The following ASB16 variants were observed in gnomAD, a reference collection of about 807,000 sequenced individuals.
The protein encoded by ASB16 is ankyrin repeat and SOCS box containing 16.
ASB16 carries 44 observed loss-of-function variants against 39.1 expected under a neutral mutation model. The ratio of observed to expected loss-of-function variants is 1.13; its 90% CI spans 0.88 to 1.45. ASB16 has a LOEUF of 1.45. ASB16 is among the 40% of genes most tolerant of loss of function. The pLI, the probability that ASB16 is intolerant of heterozygous loss-of-function variation, is 0.00. For missense variants in ASB16, 698 were observed against 634.5 expected (o/e 1.10, Z -1.07); for synonymous variants, 305 against 286.7 (o/e 1.06, Z -0.64).
At chr17:44,176,357 C>CAAAAAAA in intron 2 of ASB16, 1 of 191,154 alleles carries the variant, frequency 5.2e-6, no homozygotes. Context: ...ACCCTGTCTC[C>CAAAAAAA]AAAAAAAAAA....
chr17:44,177,251 A>G, intron 3 of ASB16, 21 bp downstream of exon 3: 2 of 1,521,768 alleles, frequency 1.3e-6, no homozygotes, highest in Non-Finnish European at 8.8e-7. Flanking sequence ...AGGCCCTGAC[A>G]TAGGAGGCTC....
At chr17:44,171,576 A>AAAAAAAAAAAG (rs1284311476) in intron 1 of ASB16, among the ~76,000 whole-genome samples, 4 of 151,080 alleles carry the variant, frequency 2.6e-5, no homozygotes, top group African/African-American at 9.7e-5. Context: ...AAAAAAAAAA[A>AAAAAAAAAAAG]AGAGACAAGG....
intron 1 of ASB16, among the ~76,000 whole-genome samples, chr17:44,171,823 T>C (rs76374856): frequency 0.011 from 1,701 of 152,164 alleles, 29 homozygotes; most frequent in African/African-American, 0.039. Context: ...ACATACTATG[T>C]TTTGTTACAG....
At chr17:44,172,905 C>A (rs1281675970) in intron 2 of ASB16, among the ~76,000 whole-genome samples, 6 of 150,584 alleles carry the variant, frequency 4.0e-5, no homozygotes, top group Non-Finnish European at 5.9e-5. Flanking sequence ...GCGTGAGCCA[C>A]CATGCCCAGC....
At chr17:44,175,101 CAAAAAAA>C in intron 2 of ASB16, among the ~76,000 whole-genome samples, 1 of 95,994 alleles carries the variant, frequency 1.0e-5, no homozygotes, top group East Asian at 2.7e-4. Context: ...GACTCTGCCT[CAAAAAAA>C]AAAAAAAAAG....
intron 2 of ASB16, among the ~76,000 whole-genome samples, chr17:44,173,726 A>ACT (rs1312896572): frequency 6.6e-6 from 1 of 152,084 alleles, no homozygotes; most frequent in Non-Finnish European, 1.5e-5. Context: ...CAGGAAAAGC[A>ACT]TTTGAGCCCA....
intron 2 of ASB16, among the ~76,000 whole-genome samples, chr17:44,173,586 G>A (rs938550820): frequency 6.6e-6 from 1 of 152,034 alleles, no homozygotes; most frequent in African/African-American, 2.4e-5. Flanking sequence ...CTAGCTACTC[G>A]GGAGGCTGAG....
At chr17:44,175,292 C>G (rs1054132638) in intron 2 of ASB16, among the ~76,000 whole-genome samples, 1 of 148,184 alleles carries the variant, frequency 6.7e-6, no homozygotes, top group Non-Finnish European at 1.5e-5. Context: ...GTCCCAGCTA[C>G]TTGGGAGGCT....
At position 44,178,535 on chromosome 17, in the gene ASB16, C is replaced by G. The variant is rs549158059; in HGVS notation, c.*145C>G. 505 of 881,386 alleles carry G rather than the reference C, an allele frequency of 5.7e-4. 4 individuals carry two copies. Among genetic ancestry groups the G allele is most frequent in the South Asian group, 2.4e-3 (134 of 55,632 alleles). The allele number at this position is 881,386 out of a possible 1,614,324, so 54.6% of individuals were successfully genotyped here. ...TTGCCCAGGCTGGAGTGCAGTGGCG[C>G]TATCTCGGCTCACTGCAACTTCTAC... On this transcript the variant is annotated 3_prime_UTR_variant, in exon 5 of 5. Transcript: ENST00000293414.
chr17:44,172,378 C>T (rs927973298), intron 2 of ASB16, 65 bp downstream of exon 2: 1 of 1,554,162 alleles, frequency 6.4e-7, no homozygotes, highest in Non-Finnish European at 8.7e-7. Flanking sequence ...GCTCACAAGG[C>T]CAGAAGAGGG....
intron 2 of ASB16, among the ~76,000 whole-genome samples, chr17:44,174,290 C>A (rs962454214): frequency 4.6e-5 from 7 of 152,096 alleles, no homozygotes; most frequent in Non-Finnish European, 8.8e-5. Flanking sequence ...CGTGATCCAC[C>A]CGCCTCGGCC....
intron 1 of ASB16, 63 bp downstream of exon 1, chr17:44,171,153 G>A: frequency 6.6e-7 from 1 of 1,517,858 alleles, no homozygotes; most frequent in South Asian, 1.3e-5. Flanking sequence ...TGGGGAAGGG[G>A]GAGAGTCTAG....
intron 4 of ASB16, 135 bp downstream of exon 4, chr17:44,177,857 A>C: frequency 7.6e-7 from 1 of 1,308,678 alleles, no homozygotes; most frequent in South Asian, 1.5e-5. Context: ...CCTGGGTTTC[A>C]GGGTACCCCC....
intron 2 of ASB16, among the ~76,000 whole-genome samples, chr17:44,175,745 A>G (rs986964755): frequency 6.6e-6 from 1 of 152,216 alleles, no homozygotes; most frequent in Non-Finnish European, 1.5e-5. Context: ...GTAAGGATGC[A>G]TGTTTGCCAC....
chr17:44,172,564 G>C (rs1050797184), intron 2 of ASB16, among the ~76,000 whole-genome samples: 4 of 152,116 alleles, frequency 2.6e-5, no homozygotes. Flanking sequence ...TTGCTTTTTG[G>C]GAAAACTCTG....
At position 44,176,961 on chromosome 17, in the gene ASB16, G is replaced by A; in HGVS notation, c.793G>A (p.Ala265Thr). 6.7e-7 allele frequency: 1 copy of A among 1,489,014 alleles called. No homozygotes were observed. The highest frequency in any genetic ancestry group is 1.3e-5 in the South Asian group (1 of 77,800). The allele number at this position is 1,489,014 out of a possible 1,614,324, so 92.2% of individuals were successfully genotyped here. ...EGPGSCRRHQ[A>T]AARRLLEAGA... ...CCCAGGTAGCTGCAGGCGACACCAG[G>A]CTGCGGCGCGCCGGCTCCTGGAGGC... Residue 265 changes from alanine (A) to threonine (T), a missense_variant, in exon 3 of 5, where the codon GCT (alanine) becomes ACT (threonine). Coordinates refer to ENST00000293414, the MANE Select transcript of ASB16 (RefSeq NM_080863.5).
In ASB16 at chr17:44,178,719, T is replaced by C. The variant is rs2054336801; in HGVS notation, c.*329T>C. 6.2e-6 allele frequency: 2 copies of C among 322,754 alleles called. No homozygotes were observed. Among genetic ancestry groups the C allele is most frequent in the South Asian group, 6.4e-5 (2 of 31,018 alleles). The allele number at this position is 322,754 out of a possible 1,614,324, so 20.0% of individuals were successfully genotyped here. A position where few individuals can be genotyped will look rare whatever the true frequency, so the allele number is the denominator to read the frequency against. Reference sequence around the variant, plus strand: ...ACTGACCTCAGGTGATCCACCCGCCTTGGCCTCCCAAAGTGTTGGGATTAC... The same window carrying C: ...ACTGACCTCAGGTGATCCACCCGCCCTGGCCTCCCAAAGTGTTGGGATTAC... On this transcript the variant is annotated 3_prime_UTR_variant, in exon 5 of 5. Transcript: ENST00000293414.
chr17:44,178,066 A>C, intron 4 of ASB16, 139 bp from the exon 5 acceptor site: 1 of 891,456 alleles, frequency 1.1e-6, no homozygotes, highest in Admixed American at 2.2e-5. Flanking sequence ...CAGGGCCTCT[A>C]TGGTTCTGAA....
chr17:44,178,028 A>G (rs940231739), intron 4 of ASB16, among the ~76,000 whole-genome samples, 177 bp from the exon 5 acceptor site: 5 of 151,670 alleles, frequency 3.3e-5, no homozygotes, highest in African/African-American at 1.2e-4. Flanking sequence ...CCTTCCCTGA[A>G]GTGGAGCCCC....
Sources: allele counts gnomAD v4.1 joint callset (sites outside exome capture counted in the v4.1 genomes callset), GRCh38; gene constraint gnomAD v4.1.1; transcripts MANE v1.5; gene names NCBI Gene and HGNC (gene_info 2026-07-23, HGNC 2026-07-21).